Variants in HIF3A observed in about 807,000 individuals in gnomAD.
HIF3A encodes hypoxia-inducible factor 3-alpha.
A neutral mutation model predicts 67.2 loss-of-function variants in HIF3A; 41 were observed. The ratio of observed to expected loss-of-function variants is 0.61; its 90% CI spans 0.48 to 0.79. The LOEUF (loss-of-function observed/expected upper bound fraction) is 0.79. Among genes scored for constraint, HIF3A ranks in the 30% least tolerant of loss-of-function variants. The pLI, the probability that HIF3A is intolerant of heterozygous loss-of-function variation, is 0.00. For synonymous variants in HIF3A, 356 were observed against 374.8 expected, an observed-to-expected ratio of 0.95 and a Z score of 0.58; for missense variants, 855 against 898.0, an observed-to-expected ratio of 0.95 and a Z score of 0.61.
At chr19:46,335,125 CTT>C (rs1971514931) in intron 14 of HIF3A, 139 bp downstream of exon 14, 1 of 594,900 alleles carries the variant, frequency 1.7e-6, no homozygotes, top group African/African-American at 1.9e-5. Flanking sequence ...GCTCCTGTCT[CTT>C]CTCTCTTCTC....
intron 11 of HIF3A, among the ~76,000 whole-genome samples, chr19:46,327,044 A>G (rs2147263902): frequency 1.3e-5 from 2 of 152,166 alleles, no homozygotes; most frequent in Middle Eastern, 6.8e-3. Context: ...AATCCCAGCT[A>G]CTCGGGAGGC....
chr19:46,320,691 C>G (rs1025635419), intron 9 of HIF3A, 130 bp downstream of exon 9: 2 of 657,922 alleles, frequency 3.0e-6, no homozygotes, highest in Non-Finnish European at 5.3e-6. Flanking sequence ...CGCACTCAGC[C>G]TCCAAAACAC....
intron 10 of HIF3A, among the ~76,000 whole-genome samples, chr19:46,324,919 TATATATATACAC>T (rs1970645960): frequency 7.2e-6 from 1 of 139,844 alleles, no homozygotes; most frequent in Non-Finnish European, 1.5e-5. Flanking sequence ...CACACACACA[TATATATATACAC>T]ATATATATAT....
intron 2 of HIF3A, among the ~76,000 whole-genome samples, chr19:46,304,777 C>G (rs1968683539): frequency 6.6e-6 from 1 of 152,092 alleles, no homozygotes; most frequent in Non-Finnish European, 1.5e-5. Flanking sequence ...GAGGCTTTAC[C>G]CCCTTAGAAG....
At chr19:46,305,108 A>G in intron 2 of HIF3A, 137 bp from the exon 3 acceptor site, 1 of 1,233,100 alleles carries the variant, frequency 8.1e-7, no homozygotes. Context: ...GGCCACTAGG[A>G]TGTACCCCCA....
rs558507098 is a variant in HIF3A, at chr19:46,329,413, G to A, written c.1647G>A (p.Leu549=). 2 of 1,602,092 alleles carry A rather than the reference G, an allele frequency of 1.2e-6. No individual in the cohort carries two copies. Among genetic ancestry groups the A allele is most frequent in the African/African-American group, 1.3e-5 (1 of 74,830 alleles). ...CCCGCTGGGGGAGTGACCCCCGGCT[G>A]AGCTGCTCCAGCCCTTCCAGAGGGG... ...LLPRWGSDPR[L]SCSSPSRGDP... is the part of the protein sequence containing the mutation. The change falls in exon 12 of 15, where the codon CTG becomes CTA. Residue 549 remains leucine (L), a synonymous_variant. Coordinates refer to ENST00000377670, the MANE Select transcript of HIF3A (RefSeq NM_152795.4).
At chr19:46,317,414 G>C (rs995236559) in intron 8 of HIF3A, among the ~76,000 whole-genome samples, 3 of 152,076 alleles carry the variant, frequency 2.0e-5, no homozygotes, top group Admixed American at 6.5e-5. Context: ...AAGCTCCCCA[G>C]TATCCTCAGG....
At chr19:46,334,877 TG>T in intron 13 of HIF3A, 27 bp from the exon 14 acceptor site, 1 of 1,568,790 alleles carries the variant, frequency 6.4e-7, no homozygotes, top group Non-Finnish European at 8.7e-7. Flanking sequence ...ATGATGATGA[TG>T]GTGGTGGCTT....
intron 12 of HIF3A, among the ~76,000 whole-genome samples, chr19:46,330,642 G>A (rs979764696): frequency 6.6e-6 from 1 of 151,560 alleles, no homozygotes; most frequent in African/African-American, 2.4e-5. Context: ...TGGATGGATG[G>A]TGGATGGTTG....
chr19:46,305,895 C>T (rs8111460), intron 3 of HIF3A, among the ~76,000 whole-genome samples: 53,769 of 151,956 alleles, frequency 0.35, 10,483 homozygotes, highest in African/African-American at 0.51. Flanking sequence ...CTGGGCAACA[C>T]GGCAAAACCC....
At chr19:46,328,848 G>A (rs1348966872) in intron 11 of HIF3A, among the ~76,000 whole-genome samples, 1 of 152,080 alleles carries the variant, frequency 6.6e-6, no homozygotes, top group African/African-American at 2.4e-5. Context: ...AGCCTCCTGA[G>A]TAATTAGAAC....
At position 46,342,552 on chromosome 19, in the gene HIF3A, T is replaced by C. The variant is rs565307711; in HGVS notation, c.*2930T>C. 1 of 152,352 alleles carries C rather than the reference T, an allele frequency of 6.6e-6. No individual in the cohort carries two copies. Among genetic ancestry groups the C allele is most frequent in the East Asian group, 1.9e-4 (1 of 5,184 alleles). The allele number at this position is 152,352 out of a possible 1,614,324, so 9.4% of individuals were successfully genotyped here. On this transcript the variant is annotated 3_prime_UTR_variant, in exon 15 of 15. Transcript: ENST00000377670. ...AGCCCAGCCAGGCTTTTTCTAATTC[T>C]ATGCTTTATTCTATAAATTCCTCTG...
intron 1 of HIF3A, among the ~76,000 whole-genome samples, chr19:46,300,944 G>GC (rs1413609305): frequency 2.6e-5 from 4 of 152,012 alleles, no homozygotes; most frequent in African/African-American, 9.7e-5. Context: ...GGGAGGTGGG[G>GC]CACTGGCCCC....
At chr19:46,307,842 C>T (rs1426641246) in intron 3 of HIF3A, among the ~76,000 whole-genome samples, 1 of 152,004 alleles carries the variant, frequency 6.6e-6, no homozygotes, top group Non-Finnish European at 1.5e-5. Context: ...GATCAGATCG[C>T]TTGAGCCCAG....
chr19:46,338,235 T>A (rs892304951), intron 14 of HIF3A: 8 of 454,100 alleles, frequency 1.8e-5, no homozygotes, highest in African/African-American at 1.6e-4. Flanking sequence ...AGGTTTTCAC[T>A]TTGTCACCCA....
At chr19:46,322,689 C>T (rs1217706533) in intron 10 of HIF3A, among the ~76,000 whole-genome samples, 1 of 152,130 alleles carries the variant, frequency 6.6e-6, no homozygotes, top group Non-Finnish European at 1.5e-5. Context: ...GATCTTCCGG[C>T]CTCGGCCTCC....
chr19:46,304,125 G>A, intron 2 of HIF3A, 37 bp downstream of exon 2: 1 of 1,524,096 alleles, frequency 6.6e-7, no homozygotes, highest in East Asian at 2.5e-5. Context: ...TCTTGGTCAG[G>A]CCCCGCCCAC....
chr19:46,300,036 C>T (rs949654961), intron 1 of HIF3A, among the ~76,000 whole-genome samples: 2 of 152,094 alleles, frequency 1.3e-5, no homozygotes, highest in Non-Finnish European at 2.9e-5. Context: ...CAATGGAGGG[C>T]GCTGGGTTAC....
At chr19:46,312,469 C>A (rs1969525890) in intron 7 of HIF3A, 37 bp from the exon 8 acceptor site, 2 of 1,611,516 alleles carry the variant, frequency 1.2e-6, no homozygotes, top group Admixed American at 1.7e-5. Flanking sequence ...CATTTGCCCC[C>A]TTGGTGGCCC....
Sources: gnomAD v4.1 joint callset for allele counts (sites outside exome capture counted in the v4.1 genomes callset) on GRCh38, gnomAD v4.1.1 for gene constraint, MANE v1.5 for transcripts, NCBI Gene and HGNC (gene_info 2026-07-23, HGNC 2026-07-21) for gene names.